The following ANKRD39 variants were observed in gnomAD, a reference collection of about 807,000 sequenced individuals.
The protein encoded by ANKRD39 is ankyrin repeat domain-containing protein 39.
A neutral mutation model predicts 20.3 loss-of-function variants in ANKRD39; 18 were observed. That is an observed-to-expected ratio of 0.89 (90% CI 0.61 to 1.32). ANKRD39 has a LOEUF of 1.32. Among genes scored for constraint, ANKRD39 ranks in the 40% most tolerant of loss-of-function variants. The pLI is 0.00. For synonymous variants in ANKRD39, 106 were observed against 111.9 expected (o/e 0.95, Z 0.33); for missense variants, 243 against 250.7 (o/e 0.97, Z 0.21).
chr2:96,852,546 A>G (rs2079843707), intron 3 of ANKRD39, among the ~76,000 whole-genome samples: 2 of 150,254 alleles, frequency 1.3e-5, no homozygotes, highest in Admixed American at 1.3e-4. Flanking sequence ...AGAAGGGGGC[A>G]GGAGCAAACC....
chr2:96,857,618 G>A (rs2079871640), intron 1 of ANKRD39, among the ~76,000 whole-genome samples: 1 of 152,258 alleles, frequency 6.6e-6, no homozygotes, highest in South Asian at 2.1e-4. Flanking sequence ...CCCAGGGGAG[G>A]TCGTCCCCCG....
rs2079817399 is a variant in ANKRD39, at chr2:96,848,015, T to C, written c.*286A>G. On this transcript the variant is annotated 3_prime_UTR_variant, in exon 4 of 4. Coordinates refer to ENST00000393537, the MANE Select transcript of ANKRD39 (RefSeq NM_016466.6). ...TGTTTTTATATTTAGATCTTTAATC[T>C]TGCAATTTATCTTTGGGTGTGGGAT... The C allele has an allele frequency of 3.6e-6, 1 of 278,898 alleles. No homozygotes were observed. Among genetic ancestry groups the C allele is most frequent in the African/African-American group, 2.1e-5 (1 of 46,884 alleles). The allele number at this position is 278,898 out of a possible 1,614,324, so 17.3% of individuals were successfully genotyped here.
In ANKRD39 at chr2:96,848,193, G is replaced by A; in HGVS notation, c.*108C>T. On this transcript the variant is annotated 3_prime_UTR_variant, in exon 4 of 4. Transcript: ENST00000393537. ...GTGACCAGACTGGGGCTCTTCCTGG[G>A]TGGTCTGGCCTCAGTTCCCTGCCCA... 1 of 1,483,710 alleles carries A rather than the reference G, an allele frequency of 6.7e-7. No individual in the cohort carries two copies. The highest frequency in any genetic ancestry group is 2.3e-5 in the East Asian group (1 of 43,552). 91.9% of individuals were successfully genotyped at this position (1,483,710 alleles called of 1,614,324 possible).
At position 96,853,601 on chromosome 2, in the gene ANKRD39, A is replaced by G. The variant is rs1269012155; in HGVS notation, c.208T>C (p.Tyr70His). ...GCGTAGTGCCCATTGCGGCTGGCAT[A>G]GTGCTGCAGGGAACAGAGACCGAGG... ...PDSAGYTALH[Y>H]ASRNGHYAVC... The change falls in exon 3 of 4, where the codon TAT becomes CAT. Residue 70 changes from tyrosine to histidine, a missense_variant. Tyr to His is a moderately conservative substitution (Grantham distance 83, BLOSUM62 2). Transcript: ENST00000393537. 6.2e-7 allele frequency: 1 copy of G among 1,611,714 alleles called. No homozygotes were observed. The highest frequency in any genetic ancestry group is 1.1e-5 in the South Asian group (1 of 90,882).
intron 3 of ANKRD39, 39 bp from the exon 4 acceptor site, chr2:96,848,483 C>T (rs200007178): frequency 1.6e-5 from 25 of 1,610,576 alleles, no homozygotes; most frequent in Non-Finnish European, 2.0e-5. Context: ...GCATACCCCC[C>T]CACTGGGCTC....
rs1414847296 is a variant in ANKRD39, at chr2:96,853,470, CG to C, written c.338del (p.Ala113GlyfsTer19). The C allele has an allele frequency of 3.7e-6, 6 of 1,604,874 alleles. No individual in the cohort carries two copies. Among genetic ancestry groups the C allele is most frequent in the Non-Finnish European group, 5.1e-6 (6 of 1,175,936 alleles). Reference sequence around the variant, plus strand: ...TGGACCCATGTGATAGCAGGAGCCGCGCGATTTCAGTGTGCCCGCAGTAGCT... The same window carrying C: ...TGGACCCATGTGATAGCAGGAGCCGCCGATTTCAGTGTGCCCGCAGTAGCT... The part of the protein sequence containing the change: ...RASYCGHTEI[A>X]RLLLSHGSNP... On this transcript the variant is annotated frameshift_variant, in exon 3 of 4. Coordinates refer to ENST00000393537, the MANE Select transcript of ANKRD39 (RefSeq NM_016466.6). LOFTEE classifies it high-confidence loss of function.
At chr2:96,856,010 A>AC in intron 1 of ANKRD39, among the ~76,000 whole-genome samples, 1 of 147,406 alleles carries the variant, frequency 6.8e-6, no homozygotes, top group Non-Finnish European at 1.5e-5. Context: ...AACAACAACA[A>AC]CAAAGAGTTA....
At chr2:96,852,878 G>C (rs2079845149) in intron 3 of ANKRD39, among the ~76,000 whole-genome samples, 1 of 152,072 alleles carries the variant, frequency 6.6e-6, no homozygotes, top group Non-Finnish European at 1.5e-5. Context: ...GACCAGCCTG[G>C]GCAACACAGT....
Position 96,857,977 on chromosome 2 carries a change from G to A in ANKRD39, c.11C>T (p.Pro4Leu), listed in dbSNP as rs748942876. MAT[P>L]RPCADGPCCS... Reference sequence around the variant, plus strand: ...GCAGGGCCCGTCCGCGCAGGGCCGAGGCGTCGCCATCCCGGCCCCGGCGTC... The same window carrying A: ...GCAGGGCCCGTCCGCGCAGGGCCGAAGCGTCGCCATCCCGGCCCCGGCGTC... The change falls in exon 1 of 4, where the codon CCT becomes CTT. Residue 4 changes from proline (P) to leucine (L), a missense_variant. By Grantham distance (98) the Pro-to-Leu change is moderately conservative (BLOSUM62 -3). Coordinates refer to ENST00000393537, the MANE Select transcript of ANKRD39 (RefSeq NM_016466.6). The A allele has an allele frequency of 1.3e-6, 2 of 1,540,178 alleles. No individual in the cohort carries two copies. The highest frequency in any genetic ancestry group is 1.9e-5 in the Admixed American group (1 of 51,648).
At chr2:96,856,206 G>A (rs1263376918) in intron 1 of ANKRD39, among the ~76,000 whole-genome samples, 1 of 152,162 alleles carries the variant, frequency 6.6e-6, no homozygotes, top group Admixed American at 6.5e-5. Context: ...GGGTGCGGTG[G>A]CTCACGCCTG....
chr2:96,848,233 G>T lies in ANKRD39; in HGVS notation c.*68C>A. The T allele has an allele frequency of 6.3e-7, 1 of 1,586,120 alleles. No individual in the cohort carries two copies. Among genetic ancestry groups the T allele is most frequent in the South Asian group, 1.1e-5 (1 of 88,520 alleles). The stretch of plus-strand genomic sequence containing the variant: ...TTCCCTGCCCAGCAGCATGGATGCT[G>T]ACCAAGGCAGGGGCTTGGAGAACTG... On this transcript the variant is annotated 3_prime_UTR_variant, in exon 4 of 4. Transcript: ENST00000393537.
In ANKRD39 at chr2:96,857,968, CAGGGCCGAGG is replaced by C; in HGVS notation, c.10_19del (p.Pro4AlafsTer34). 6.4e-7 allele frequency: 1 copy of C among 1,554,698 alleles called. No individual in the cohort carries two copies. The highest frequency in any genetic ancestry group is 8.6e-7 in the Non-Finnish European group (1 of 1,157,964). Reference sequence around the variant, plus strand: ...ATGCGAGCAGCAGGGCCCGTCCGCGCAGGGCCGAGGCGTCGCCATCCCGGCCCCGGCGTCA... The same window carrying C: ...ATGCGAGCAGCAGGGCCCGTCCGCGCCGTCGCCATCCCGGCCCCGGCGTCA... On this transcript the variant is annotated frameshift_variant, in exon 1 of 4. Transcript: ENST00000393537. LOFTEE classifies it high-confidence loss of function.
At position 96,848,346 on chromosome 2, in the gene ANKRD39, G is replaced by A. The variant is rs1298682875; in HGVS notation, c.507C>T (p.Asp169=). Residue 169 remains aspartate, a synonymous_variant, in exon 4 of 4, where the codon GAC becomes GAT. Coordinates refer to ENST00000393537, the MANE Select transcript of ANKRD39 (RefSeq NM_016466.6). ...GCAGGTCACTGTTGCAAGGCAGCAG[G>A]TCACATGCTAGCCGTGCCTTTCGGT... ...IRDRKARLAC[D]LLPCNSDLRD... The A allele has an allele frequency of 6.2e-7, 1 of 1,614,192 alleles. No homozygotes were observed. Among genetic ancestry groups the A allele is most frequent in the Admixed American group, 1.7e-5 (1 of 60,024 alleles).
chr2:96,857,310 G>A (rs1362001827), intron 1 of ANKRD39, among the ~76,000 whole-genome samples: 1 of 152,194 alleles, frequency 6.6e-6, no homozygotes, highest in Non-Finnish European at 1.5e-5. Flanking sequence ...CTGGTTTCCC[G>A]CCTTCCTCTG....
intron 1 of ANKRD39, among the ~76,000 whole-genome samples, chr2:96,855,665 G>A (rs1375368815): frequency 4.0e-5 from 6 of 151,066 alleles, no homozygotes; most frequent in South Asian, 2.1e-4. Flanking sequence ...AGAGGTTGCC[G>A]TGAGCCAAGA....
At chr2:96,855,972 TCAACAA>T (rs140575907) in intron 1 of ANKRD39, among the ~76,000 whole-genome samples, 2 of 151,422 alleles carry the variant, frequency 1.3e-5, no homozygotes, top group African/African-American at 4.8e-5. Context: ...AGACTCCGAC[TCAACAA>T]CAACAACAAC....
At chr2:96,857,804 C>G in intron 1 of ANKRD39, 84 bp downstream of exon 1, 1 of 1,405,374 alleles carries the variant, frequency 7.1e-7, no homozygotes, top group Non-Finnish European at 9.6e-7. Context: ...CTCGGGGCCC[C>G]GTTCATCCGC....
At chr2:96,854,476 G>T (rs1266959082) in intron 1 of ANKRD39, 35 bp from the exon 2 acceptor site, 11 of 1,597,556 alleles carry the variant, frequency 6.9e-6, no homozygotes, top group Non-Finnish European at 9.4e-6. Flanking sequence ...GAATGATGCT[G>T]AATGGGAGTT....
intron 1 of ANKRD39, 46 bp downstream of exon 1, chr2:96,857,842 G>C (rs770650100): frequency 2.3e-5 from 35 of 1,527,548 alleles, no homozygotes; most frequent in Non-Finnish European, 3.1e-5. Flanking sequence ...CCTCCTCCTT[G>C]GGCCGGGGCC....
Sources: allele counts gnomAD v4.1 joint callset (sites outside exome capture counted in the v4.1 genomes callset), GRCh38; gene constraint gnomAD v4.1.1; transcripts MANE v1.5; gene names NCBI Gene and HGNC (gene_info 2026-07-23, HGNC 2026-07-21).